FGF13: variants seen among roughly 807,000 people sequenced by gnomAD.
FGF13 encodes fibroblast growth factor homologous factor 2.
Under a neutral mutation model 19.5 loss-of-function variants are expected in FGF13, and 2 were observed. The observed-to-expected ratio is 0.10, with a 90% confidence interval of 0.04 to 0.32. FGF13 has a LOEUF of 0.32. FGF13 is among the 10% of genes least tolerant of loss of function. The probability of loss-of-function intolerance (pLI) is 1.00; values close to 1 mark genes in which losing one functional copy is unlikely to be tolerated. For synonymous variants in FGF13, 72 were observed against 76.9 expected (o/e 0.94, Z 0.33); for missense variants, 113 against 192.7 (o/e 0.59, Z 2.45).
chrX:138,853,891 T>G (rs900618318), downstream of FGF13, among the ~76,000 whole-genome samples: 2 of 111,578 alleles, frequency 1.8e-5, no homozygotes, highest in Non-Finnish European at 3.8e-5. Flanking sequence ...TTTAACAATC[T>G]TCGAACATCA....
At chrX:138,664,558 TGAGAGA>T (rs3831715) in intron 3 of FGF13, among the ~76,000 whole-genome samples, 3 of 104,327 alleles carry the variant, frequency 2.9e-5, no homozygotes, top group Admixed American at 1.0e-4. Context: ...TTTGCATGTG[TGAGAGA>T]GAGAGAGAGA....
At chrX:138,729,366 G>C (rs1220928825) in intron 1 of FGF13, among the ~76,000 whole-genome samples, 1 of 111,234 alleles carries the variant, frequency 9.0e-6, no homozygotes, top group Admixed American at 9.6e-5. Context: ...ATAAAATGTA[G>C]AATGTCAGAG....
intron 1 of FGF13, among the ~76,000 whole-genome samples, chrX:139,002,904 G>GT (rs2124362760): frequency 8.9e-6 from 1 of 111,985 alleles, no homozygotes; most frequent in East Asian, 2.8e-4. Context: ...TAGGCCTTGC[G>GT]TGAGACTCTA....
intron 3 of FGF13, among the ~76,000 whole-genome samples, chrX:138,852,490 C>G (rs2091229535): frequency 8.9e-6 from 1 of 111,797 alleles, no homozygotes; most frequent in South Asian, 3.7e-4. Context: ...GCTGGGTGAA[C>G]TGGCTAGCCA....
At chrX:138,753,443 A>G (rs1439467527) in intron 3 of FGF13, among the ~76,000 whole-genome samples, 1 of 112,463 alleles carries the variant, frequency 8.9e-6, no homozygotes, top group East Asian at 2.8e-4. Flanking sequence ...TTGGATTTTT[A>G]GCGTACAGAC....
intron 3 of FGF13, among the ~76,000 whole-genome samples, chrX:138,751,086 A>G (rs2090394671): frequency 9.0e-6 from 1 of 111,554 alleles, no homozygotes; most frequent in South Asian, 3.8e-4. Context: ...TTAGTTCAGG[A>G]TTGTATATAT....
chrX:138,768,525 A>G (rs188105696), intron 3 of FGF13, among the ~76,000 whole-genome samples: 1,744 of 109,280 alleles, frequency 0.016, 18 homozygotes, highest in Middle Eastern at 0.029. Flanking sequence ...TTAATTGTAC[A>G]TGCACTCTTT....
intron 3 of FGF13, among the ~76,000 whole-genome samples, chrX:138,652,068 C>G (rs1047583183): frequency 1.8e-5 from 2 of 111,951 alleles, no homozygotes; most frequent in Non-Finnish European, 3.8e-5. Context: ...ACCACTACTA[C>G]GTCTTTGATC....
intron 1 of FGF13, among the ~76,000 whole-genome samples, chrX:139,129,181 A>ATGTG (rs567529252): frequency 1.1e-4 from 10 of 87,093 alleles, no homozygotes; most frequent in Non-Finnish European, 1.5e-4. Context: ...ACACACACAC[A>ATGTG]TGTGTGTGTG....
At chrX:139,149,502 T>A (rs2083916010) in intron 1 of FGF13, among the ~76,000 whole-genome samples, 1 of 112,376 alleles carries the variant, frequency 8.9e-6, no homozygotes, top group Non-Finnish European at 1.9e-5. Context: ...AAGAAAACTG[T>A]GTTTAAGTTT....
chrX:138,966,262 C>T (rs2091894621), intron 1 of FGF13, among the ~76,000 whole-genome samples: 1 of 111,901 alleles, frequency 8.9e-6, no homozygotes, highest in Non-Finnish European at 1.9e-5. Context: ...AATGGTAGAT[C>T]CACAGACAGC....
chrX:138,747,621 C>T (rs1310752467), intron 3 of FGF13, among the ~76,000 whole-genome samples: 2 of 111,928 alleles, frequency 1.8e-5, no homozygotes, highest in East Asian at 5.7e-4. Flanking sequence ...AAAAACACTT[C>T]AAGGGCACGC....
chrX:138,741,317 C>A, upstream of FGF13, among the ~76,000 whole-genome samples: 2 of 111,728 alleles, frequency 1.8e-5, no homozygotes, highest in Middle Eastern at 4.6e-3. Flanking sequence ...CTGCACTGGT[C>A]AGTGTAGTGG....
intron 1 of FGF13, among the ~76,000 whole-genome samples, chrX:139,133,389 C>T (rs915012098): frequency 9.7e-6 from 1 of 102,608 alleles, no homozygotes; most frequent in South Asian, 4.7e-4. Context: ...TGGTGAGAAA[C>T]GCCCAAGATG....
In FGF13 at chrX:138,898,334, T is replaced by G. The variant is rs757643597; in HGVS notation, c.-112-33684A>C. Among the ~76,000 whole-genome samples, 6 of 112,134 alleles carry G rather than the reference T, an allele frequency of 5.4e-5. No individual in the cohort carries two copies. In the South Asian group the frequency reaches 1.9e-3, roughly 35 times the overall value. ...AGTACAGGGTCAAAGCTAAAAGTAGTTGGTTCATAAATATTTCTTGAACAT... is the reference window on the plus strand; with the variant it reads ...AGTACAGGGTCAAAGCTAAAAGTAGGTGGTTCATAAATATTTCTTGAACAT... On this transcript the variant is annotated intron_variant, in intron 1 of 2. Coordinates refer to the FGF13 transcript ENST00000421460.
intron 1 of FGF13, among the ~76,000 whole-genome samples, chrX:139,070,424 TG>T (rs2092372870): frequency 2.7e-5 from 3 of 112,409 alleles, no homozygotes; most frequent in Non-Finnish European, 5.6e-5. Flanking sequence ...AAAACCACAA[TG>T]AGATACCATC....
At chrX:138,897,930 T>G (rs137992112) in intron 1 of FGF13, among the ~76,000 whole-genome samples, 1,664 of 111,340 alleles carry the variant, frequency 0.015, 22 homozygotes, top group African/African-American at 0.05. Flanking sequence ...CAAATATTCA[T>G]AGGACTCTCA....
At position 138,711,473 on chromosome X, in the gene FGF13, G is replaced by A. The variant is rs1167563873; in HGVS notation, c.-470C>T. The A allele has an allele frequency of 6.8e-6, 5 of 733,084 alleles. No individual in the cohort carries two copies. Among genetic ancestry groups the A allele is most frequent in the Non-Finnish European group, 6.5e-6 (4 of 619,614 alleles). 60.4% of individuals were successfully genotyped at this position (733,084 alleles called of 1,213,427 possible). A position where few individuals can be genotyped will look rare whatever the true frequency, so the allele number is the denominator to read the frequency against. On this transcript the variant is annotated 5_prime_UTR_variant, in exon 1 of 5. Coordinates refer to ENST00000315930, the MANE Select transcript of FGF13 (RefSeq NM_004114.5). Reference sequence around the variant, plus strand: ...CGGGAGAGAGGCCGGGAGCTCGGGCGGCCGGACGGAGGAGGGACGAGGCAG... The same window carrying A: ...CGGGAGAGAGGCCGGGAGCTCGGGCAGCCGGACGGAGGAGGGACGAGGCAG...
chrX:139,157,978 G>A lies in FGF13; in HGVS notation c.-113+45438C>T, dbSNP rs778990473. 6.2e-5 allele frequency among the ~76,000 whole-genome samples: 7 copies of A among 112,176 alleles called. No homozygotes were observed. The South Asian group carries it at 2.6e-3, about 42-fold the overall frequency. ...AGGGCAAGCTGAAGCAGGGTGGGGC[G>A]TTGCCTCACCCAGGAAGTGCAAGGG... On this transcript the variant is annotated intron_variant, in intron 1 of 2. Coordinates refer to the FGF13 transcript ENST00000421460.
Sources: gnomAD v4.1 joint callset for allele counts (sites outside exome capture counted in the v4.1 genomes callset) on GRCh38, gnomAD v4.1.1 for gene constraint, MANE v1.5 for transcripts, NCBI Gene and HGNC (gene_info 2026-07-23, HGNC 2026-07-21) for gene names.